The following KMT2C variants were observed in gnomAD, a reference collection of about 807,000 sequenced individuals.
The protein encoded by KMT2C is histone-lysine N-methyltransferase 2C.
KMT2C carries 88 observed loss-of-function variants against 507.9 expected under a neutral mutation model. The observed-to-expected ratio is 0.17, with a 90% CI of 0.15 to 0.21. The LOEUF (loss-of-function observed/expected upper bound fraction) is 0.21, where lower values mean the gene tolerates loss of function less well. Among genes scored for constraint, KMT2C ranks in the 10% least tolerant of loss-of-function variants. The probability of loss-of-function intolerance (pLI) is 1.00; values close to 1 mark genes in which losing one functional copy is unlikely to be tolerated. For synonymous variants in KMT2C, 2,049 were observed against 2,080.8 expected (o/e 0.98, Z 0.42); for missense variants, 4,954 against 5,957.8 (o/e 0.83, Z 5.55).
chr7:152,158,980 G>A lies in KMT2C; in HGVS notation c.11553C>T (p.Ser3851=), dbSNP rs2129101546. Residue 3851 remains serine (S), a synonymous_variant, in exon 44 of 59, where the codon AGC becomes AGT. Transcript: ENST00000262189. ...DGGSETKKQR[S]KRTQRTGEKA... ...TCTCACCCGTCCTCTGAGTCCGTTT[G>A]CTTCGCTGTTTCTTGGTTTCACTTC... 1 of 1,614,162 alleles carries A rather than the reference G, an allele frequency of 6.2e-7. No homozygotes were observed. Among genetic ancestry groups the A allele is most frequent in the Non-Finnish European group, 8.5e-7 (1 of 1,180,038 alleles).
intron 3 of KMT2C, among the ~76,000 whole-genome samples, chr7:152,316,320 T>C (rs2096722551): frequency 6.6e-6 from 1 of 152,074 alleles, no homozygotes; most frequent in Non-Finnish European, 1.5e-5. Flanking sequence ...CAGCACACAA[T>C]ACTAATCATG....
chr7:152,389,081 A>G (rs567548918), intron 1 of KMT2C, among the ~76,000 whole-genome samples: 1 of 151,836 alleles, frequency 6.6e-6, no homozygotes, highest in African/African-American at 2.4e-5. Context: ...ATGGGGTTTC[A>G]CCGTGTTAGC....
chr7:152,409,259 A>G (rs1433559527), intron 1 of KMT2C, among the ~76,000 whole-genome samples: 7 of 152,060 alleles, frequency 4.6e-5, no homozygotes, highest in Non-Finnish European at 8.8e-5. Flanking sequence ...CACCTGCCTC[A>G]GCCTCCCAAA....
At chr7:152,305,633 A>G (rs1227771565) in intron 6 of KMT2C, among the ~76,000 whole-genome samples, 1 of 151,898 alleles carries the variant, frequency 6.6e-6, no homozygotes, top group African/African-American at 2.4e-5. Flanking sequence ...TGGACAATCT[A>G]TTTACATCAG....
intron 1 of KMT2C, among the ~76,000 whole-genome samples, chr7:152,403,153 G>A (rs546676781): frequency 1.1e-4 from 17 of 150,218 alleles, no homozygotes; most frequent in African/African-American, 4.0e-4. Flanking sequence ...CACTGTGGGC[G>A]GGAATGTAAA....
intron 6 of KMT2C, among the ~76,000 whole-genome samples, chr7:152,299,617 C>G (rs373944311): frequency 2.0e-5 from 3 of 152,090 alleles, no homozygotes; most frequent in East Asian, 2.0e-4. Context: ...CCACTGCACT[C>G]TAGCTTGGGT....
intron 50 of KMT2C, 152 bp downstream of exon 50, chr7:152,151,290 A>G: frequency 5.2e-6 from 4 of 769,060 alleles, no homozygotes; most frequent in Non-Finnish European, 8.3e-6. Flanking sequence ...TGTTCAGCCC[A>G]AGCACATCTG....
chr7:152,435,694 G>A lies in KMT2C; in HGVS notation c.93C>T (p.Ala31=), dbSNP rs2116821469. The change falls in exon 1 of 59, where the codon GCC becomes GCT. Residue 31 remains alanine (A), a synonymous_variant. Transcript: ENST00000262189. ...EPGAPAPSPA[A]ADKRPRGRPR... ...GCCGGCCCCGAGGTCTTTTGTCTGC[G>A]GCTGCGGGGCTCGGGGCCGGGGCTC... 3 of 1,543,286 alleles carry A rather than the reference G, an allele frequency of 1.9e-6. No individual in the cohort carries two copies. The highest frequency in any genetic ancestry group is 2.6e-6 in the Non-Finnish European group (3 of 1,144,078).
intron 26 of KMT2C, among the ~76,000 whole-genome samples, chr7:152,202,646 G>A (rs903830727): frequency 6.6e-6 from 1 of 152,110 alleles, no homozygotes; most frequent in African/African-American, 2.4e-5. Context: ...CAATGACTTG[G>A]AAGATTGAGT....
chr7:152,297,456 A>G (rs2096527305), intron 6 of KMT2C, among the ~76,000 whole-genome samples: 4 of 152,178 alleles, frequency 2.6e-5, no homozygotes, highest in African/African-American at 9.7e-5. Flanking sequence ...AAACTATGAG[A>G]ATCCAGAAAA....
intron 2 of KMT2C, among the ~76,000 whole-genome samples, chr7:152,334,484 C>T (rs1465270691): frequency 6.6e-6 from 1 of 152,046 alleles, no homozygotes; most frequent in Non-Finnish European, 1.5e-5. Flanking sequence ...AGACAAAGGA[C>T]AAAATCCATA....
At chr7:152,395,496 A>AGTTTT (rs142333055) in intron 1 of KMT2C, among the ~76,000 whole-genome samples, 7,838 of 150,572 alleles carry the variant, frequency 0.052, 536 homozygotes, top group African/African-American at 0.16. Context: ...ACCATTTTTA[A>AGTTTT]GTTTTGTTTT....
intron 43 of KMT2C, among the ~76,000 whole-genome samples, chr7:152,161,047 G>A (rs965561009): frequency 1.3e-5 from 2 of 152,172 alleles, no homozygotes; most frequent in Non-Finnish European, 2.9e-5. Context: ...ATACATAGAA[G>A]GGTAAAAAGA....
chr7:152,325,708 AG>A (rs1331964843), intron 3 of KMT2C, among the ~76,000 whole-genome samples: 1 of 152,032 alleles, frequency 6.6e-6, no homozygotes, highest in Non-Finnish European at 1.5e-5. Context: ...AACCTCCCAA[AG>A]TGCTAGGATT....
At chr7:152,275,786 T>C (rs1369177519) in intron 6 of KMT2C, among the ~76,000 whole-genome samples, 3 of 152,158 alleles carry the variant, frequency 2.0e-5, no homozygotes, top group Non-Finnish European at 4.4e-5. Context: ...AATCAATCTG[T>C]TGAAAAATGT....
At chr7:152,310,401 C>A (rs2096660305) in intron 5 of KMT2C, among the ~76,000 whole-genome samples, 1 of 152,114 alleles carries the variant, frequency 6.6e-6, no homozygotes, top group Admixed American at 6.5e-5. Flanking sequence ...CATGGCAAAA[C>A]CCTGTCTCTA....
At chr7:152,258,427 G>A (rs2095698610) in intron 9 of KMT2C, among the ~76,000 whole-genome samples, 1 of 152,226 alleles carries the variant, frequency 6.6e-6, no homozygotes, top group African/African-American at 2.4e-5. Flanking sequence ...TGCGGTGGGA[G>A]TGCTAGAGCT....
chr7:152,148,639 A>G lies in KMT2C; in HGVS notation c.13288T>C (p.Leu4430=), dbSNP rs776046003. 1 of 1,614,198 alleles carries G rather than the reference A, an allele frequency of 6.2e-7. No homozygotes were observed. Among genetic ancestry groups the G allele is most frequent in the South Asian group, 1.1e-5 (1 of 91,080 alleles). Residue 4430 remains leucine (L), a synonymous_variant, in exon 52 of 59, where the codon TTG becomes CTG. Coordinates refer to ENST00000262189, the MANE Select transcript of KMT2C (RefSeq NM_170606.3). This position sits in a 1 kb window ranked among gnomAD's most constrained non-coding sequence, Gnocchi z 7.1. ...TCCGTGGACCACAGAGCGCAGTTCAAGTGGACCCACAGATCCAAGTCAAGG... is the reference window on the plus strand; with the variant it reads ...TCCGTGGACCACAGAGCGCAGTTCAGGTGGACCCACAGATCCAAGTCAAGG... ...LNLDLDLWVH[L]NCALWSTEVY...
At chr7:152,252,178 GA>G in intron 10 of KMT2C, 88 bp from the exon 11 acceptor site, 1 of 937,226 alleles carries the variant, frequency 1.1e-6, no homozygotes, top group Admixed American at 2.8e-5. Context: ...AGCTGGATAT[GA>G]AAACAGTTAA....
Sources: allele counts gnomAD v4.1 joint callset (sites outside exome capture counted in the v4.1 genomes callset), GRCh38; gene constraint gnomAD v4.1.1; non-coding constraint Gnocchi (gnomAD v3.1); transcripts MANE v1.5; gene names NCBI Gene and HGNC (gene_info 2026-07-23, HGNC 2026-07-21).